The following USH2A variants were observed in gnomAD, a reference collection of about 807,000 sequenced individuals.
USH2A encodes the protein usherin.
A neutral mutation model predicts 538.9 loss-of-function variants in USH2A; 443 were observed. The ratio of observed to expected loss-of-function variants is 0.82; its 90% CI spans 0.76 to 0.89. The LOEUF (loss-of-function observed/expected upper bound fraction) is 0.89. USH2A is among the 40% of genes least tolerant of loss of function. The probability of loss-of-function intolerance (pLI) is 0.00; values close to 1 mark genes in which losing one functional copy is unlikely to be tolerated. For synonymous variants in USH2A, 2,413 were observed against 2,273.5 expected (o/e 1.06, Z -1.75); for missense variants, 6,633 against 6,324.8 (o/e 1.05, Z -1.65).
chr1:216,156,296 T>TTTC (rs2033937941), intron 21 of USH2A, among the ~76,000 whole-genome samples: 1 of 3,000 alleles, frequency 3.3e-4, no homozygotes, highest in African/African-American at 5.5e-4. Context: ...TTTTTTTTTC[T>TTTC]TTTTTTTTTT....
chr1:216,075,087 G>T (rs2031703012), intron 27 of USH2A, among the ~76,000 whole-genome samples: 2 of 152,126 alleles, frequency 1.3e-5, no homozygotes, highest in Non-Finnish European at 2.9e-5. Context: ...TTCACAAGAT[G>T]AAATTTTCAA....
At chr1:215,648,481 G>A in intron 66 of USH2A, 47 bp downstream of exon 66, 1 of 1,588,480 alleles carries the variant, frequency 6.3e-7, no homozygotes, top group Non-Finnish European at 8.6e-7. Flanking sequence ...TCATATGTCT[G>A]TACACATGCC....
At chr1:216,321,701 A>G (rs1381409122) in intron 9 of USH2A, among the ~76,000 whole-genome samples, 182 bp downstream of exon 9, 2 of 152,222 alleles carry the variant, frequency 1.3e-5, no homozygotes, top group African/African-American at 4.8e-5. Context: ...TTTAAAAACT[A>G]CAATTTCAAC....
intron 4 of USH2A, among the ~76,000 whole-genome samples, chr1:216,360,824 C>T (rs1445731143): frequency 6.6e-6 from 1 of 152,026 alleles, no homozygotes; most frequent in Non-Finnish European, 1.5e-5. Context: ...GAATATATTA[C>T]ATTTATGGGC....
At chr1:215,690,603 A>G (rs1658571401) in intron 61 of USH2A, among the ~76,000 whole-genome samples, 1 of 152,186 alleles carries the variant, frequency 6.6e-6, no homozygotes, top group African/African-American at 2.4e-5. Context: ...CATAGTGTTC[A>G]GTCTCCCTGA....
intron 4 of USH2A, among the ~76,000 whole-genome samples, chr1:216,352,784 T>A (rs1319884054): frequency 6.6e-6 from 1 of 152,150 alleles, no homozygotes; most frequent in Non-Finnish European, 1.5e-5. Flanking sequence ...ATGCCAGTGG[T>A]GGATAAATAT....
chr1:216,213,679 C>A (rs2035289698), intron 15 of USH2A, among the ~76,000 whole-genome samples: 1 of 150,490 alleles, frequency 6.6e-6, no homozygotes, highest in Non-Finnish European at 1.5e-5. Context: ...TGAGTCAATC[C>A]AAAATTTCTT....
At chr1:215,901,028 G>C in intron 38 of USH2A, 123 bp from the exon 39 acceptor site, 3 of 1,189,618 alleles carry the variant, frequency 2.5e-6, no homozygotes, top group Non-Finnish European at 3.6e-6. Context: ...GTTAAACATG[G>C]TCCATTTAAT....
chr1:216,076,227 C>T (rs538930119), intron 27 of USH2A, among the ~76,000 whole-genome samples: 25 of 152,242 alleles, frequency 1.6e-4, no homozygotes, highest in Non-Finnish European at 2.5e-4. Flanking sequence ...TTGACTTCTA[C>T]GTTCCAGCTA....
intron 21 of USH2A, among the ~76,000 whole-genome samples, chr1:216,110,379 T>G (rs994914359): frequency 1.5e-4 from 23 of 152,184 alleles, no homozygotes; most frequent in African/African-American, 4.6e-4. Flanking sequence ...ACTAGTTAAC[T>G]TTTAGCAGTA....
chr1:216,071,373 T>C (rs1208953486), intron 29 of USH2A, among the ~76,000 whole-genome samples: 2 of 152,012 alleles, frequency 1.3e-5, no homozygotes, highest in African/African-American at 4.8e-5. Context: ...GGCCACAAGA[T>C]CGAGTTGCAA....
intron 9 of USH2A, among the ~76,000 whole-genome samples, chr1:216,315,342 G>C (rs116693143): frequency 0.015 from 2,221 of 152,232 alleles, 51 homozygotes; most frequent in African/African-American, 0.051. Context: ...AAAAGCCTAT[G>C]TACGAAAATA....
intron 59 of USH2A, among the ~76,000 whole-genome samples, chr1:215,742,806 C>T (rs796705918): frequency 3.3e-5 from 5 of 152,088 alleles, no homozygotes; most frequent in Admixed American, 6.6e-5. Context: ...ACTTCCTCCT[C>T]CTGGATAAAA....
chr1:215,636,640 G>T (rs1465250847), intron 69 of USH2A, among the ~76,000 whole-genome samples: 1 of 152,162 alleles, frequency 6.6e-6, no homozygotes, highest in East Asian at 1.9e-4. Flanking sequence ...TCCACAGCAC[G>T]CAGGGGAAGG....
intron 21 of USH2A, among the ~76,000 whole-genome samples, chr1:216,130,531 T>C (rs1171234546): frequency 6.8e-6 from 1 of 146,392 alleles, no homozygotes; most frequent in African/African-American, 2.5e-5. Context: ...CATATATATT[T>C]ATATATATAA....
intron 61 of USH2A, among the ~76,000 whole-genome samples, chr1:215,724,310 G>T (rs1659749156): frequency 6.6e-6 from 1 of 151,854 alleles, no homozygotes; most frequent in Admixed American, 6.6e-5. Flanking sequence ...GTCTTTTGCA[G>T]CAACATGGAT....
At chr1:216,179,705 A>G (rs1320255620) in intron 20 of USH2A, among the ~76,000 whole-genome samples, 1 of 152,122 alleles carries the variant, frequency 6.6e-6, no homozygotes, top group Non-Finnish European at 1.5e-5. Flanking sequence ...CAAGTAGAAT[A>G]AGAAGAAAAA....
Position 215,692,378 on chromosome 1 carries a change from A to C in USH2A, c.12067-12002T>G, listed in dbSNP as rs116720961. Among the ~76,000 whole-genome samples the C allele has an allele frequency of 5.1e-3, 770 of 152,234 alleles. 6 individuals are homozygous for C. Among genetic ancestry groups the C allele is most frequent in the African/African-American group, 0.018 (733 of 41,538 alleles). ...TTAAAAAATGGGAGATACCAGGAGT[A>C]TATTTTTATATTGATGGCAATTTTT... On this transcript the variant is annotated intron_variant, in intron 61 of 71. Coordinates refer to ENST00000307340, the MANE Select transcript of USH2A (RefSeq NM_206933.4).
intron 14 of USH2A, among the ~76,000 whole-genome samples, chr1:216,219,031 C>T (rs972920749): frequency 6.6e-6 from 1 of 151,782 alleles, no homozygotes; most frequent in African/African-American, 2.4e-5. Context: ...TGTGTAACTG[C>T]ACCACTCATG....
Sources: gnomAD v4.1 joint callset for allele counts (sites outside exome capture counted in the v4.1 genomes callset) on GRCh38, gnomAD v4.1.1 for gene constraint, MANE v1.5 for transcripts, NCBI Gene and HGNC (gene_info 2026-07-23, HGNC 2026-07-21) for gene names.